The following SMAD4 variants were observed in gnomAD, a reference collection of about 807,000 sequenced individuals.
The protein encoded by SMAD4 is MAD homolog 4.
In SMAD4, 7 loss-of-function variants were observed where a neutral mutation model predicts 63.2. That is an observed-to-expected ratio of 0.11 (90% CI 0.06 to 0.21). The LOEUF (loss-of-function observed/expected upper bound fraction) is 0.21. Among genes scored for constraint, SMAD4 ranks in the 10% least tolerant of loss-of-function variants. SMAD4 has a pLI of 1.00. For synonymous variants in SMAD4, 215 were observed against 235.4 expected (o/e 0.91, Z 0.79); for missense variants, 312 against 693.8 (o/e 0.45, Z 6.18).
rs1910556467 is a variant in SMAD4 at position 51,079,528 on chromosome 18, TATA to T, written c.*1064_*1066del. 4.3e-6 allele frequency: 1 copy of T among 233,354 alleles called. No individual in the cohort carries two copies. Among genetic ancestry groups the T allele is most frequent in the South Asian group, 1.8e-4 (1 of 5,534 alleles). 14.5% of individuals were successfully genotyped at this position (233,354 alleles called of 1,614,324 possible). ...CTTGATTTGATGTGACTTTTTTTGG[TATA>T]ATGTTTAAATCATGTATGTTATGAT... On this transcript the variant is annotated 3_prime_UTR_variant, in exon 12 of 12. Transcript: ENST00000342988.
chr18:51,034,819 TAA>T (rs2144376409), intron 1 of SMAD4, among the ~76,000 whole-genome samples: 1 of 152,320 alleles, frequency 6.6e-6, no homozygotes, highest in South Asian at 2.1e-4. Flanking sequence ...GTGCTGGGAT[TAA>T]AGGCATGAGC....
At chr18:51,069,431 A>G (rs1406106884) in intron 10 of SMAD4, among the ~76,000 whole-genome samples, 1 of 152,034 alleles carries the variant, frequency 6.6e-6, no homozygotes, top group African/African-American at 2.4e-5. Context: ...GTTATTTTTT[A>G]ATGGCTTTGG....
At chr18:51,046,682 A>T (rs1249865717) in intron 1 of SMAD4, among the ~76,000 whole-genome samples, 1 of 152,064 alleles carries the variant, frequency 6.6e-6, no homozygotes, top group Non-Finnish European at 1.5e-5. Flanking sequence ...CCTAACTTTA[A>T]TATTTTTGGA....
Position 51,063,602 on chromosome 18 carries a change from G to T in SMAD4, c.956-1821G>T, listed in dbSNP as rs1347398187. Among the ~76,000 whole-genome samples, 4 of 151,994 alleles carry T rather than the reference G, an allele frequency of 2.6e-5. No homozygotes were observed. The East Asian group carries it at 7.8e-4, about 30-fold the overall frequency. ...CAATTTTTCTATTTTTCGTAGAGAC[G>T]CGGTTTCACCATGTTGCCCAGGCTG... is the stretch of plus-strand genomic sequence containing the variant. On this transcript the variant is annotated intron_variant, in intron 8 of 11. Transcript: ENST00000342988.
rs1753752498 is a variant in SMAD4, at chr18:51,084,957, A to T, written c.*6490A>T. On this transcript the variant is annotated 3_prime_UTR_variant, in exon 12 of 12. Coordinates refer to ENST00000342988, the MANE Select transcript of SMAD4 (RefSeq NM_005359.6). ...GCTTTCTGTATACTTTTGCCTGGTT[A>T]AAGTCTGTGGCTAAAAAATAGTCGA... is the stretch of plus-strand genomic sequence containing the variant. 1 of 215,418 alleles carries T rather than the reference A, an allele frequency of 4.6e-6. No individual in the cohort carries two copies. Among genetic ancestry groups the T allele is most frequent in the African/African-American group, 2.3e-5 (1 of 44,288 alleles). The allele number at this position is 215,418 out of a possible 1,614,324, so 13.3% of individuals were successfully genotyped here. A position where few individuals can be genotyped will look rare whatever the true frequency, so the allele number is the denominator to read the frequency against.
At chr18:51,075,839 C>T (rs1464823907) in intron 10 of SMAD4, among the ~76,000 whole-genome samples, 1 of 152,152 alleles carries the variant, frequency 6.6e-6, no homozygotes, top group Non-Finnish European at 1.5e-5. Context: ...TAACTGTATA[C>T]TATGCCAAGT....
In SMAD4 at chr18:51,076,702, C is replaced by T. The variant is rs2144474077; in HGVS notation, c.1373C>T (p.Ala458Val). 6.2e-7 allele frequency: 1 copy of T among 1,611,380 alleles called. No homozygotes were observed. Among genetic ancestry groups the T allele is most frequent in the Admixed American group, 1.7e-5 (1 of 59,998 alleles). ...CAGGCGGCTACTGCACAAGCTGCAG[C>T]AGCTGCCCAGGCAGCAGCCGTGGCA... ...QQQAATAQAA[A>V]AAQAAAVAGN... The change falls in exon 11 of 12, where the codon GCA becomes GTA. Residue 458 changes from alanine (A) to valine (V), a missense_variant. This residue lies in a region of SMAD4 where 92 missense variants were observed against 305.9 expected (regional missense o/e 0.30). Coordinates refer to ENST00000342988, the MANE Select transcript of SMAD4 (RefSeq NM_005359.6).
chr18:51,083,813 C>T lies in SMAD4; in HGVS notation c.*5346C>T, dbSNP rs1198510406. On this transcript the variant is annotated 3_prime_UTR_variant, in exon 12 of 12. Transcript: ENST00000342988. ...CCTTGCAGCAGTTTTGGATTTCTTC[C>T]TTATCTTTGTTCTGCTGTTTGAGGG... 1.7e-5 allele frequency: 4 copies of T among 230,990 alleles called. No individual in the cohort carries two copies. The highest frequency in any genetic ancestry group is 2.2e-5 in the African/African-American group (1 of 45,218). 14.3% of individuals were successfully genotyped at this position (230,990 alleles called of 1,614,324 possible).
chr18:51,041,998 T>C (rs1001300778), intron 1 of SMAD4, among the ~76,000 whole-genome samples: 4 of 152,306 alleles, frequency 2.6e-5, no homozygotes, highest in Non-Finnish European at 5.9e-5. Flanking sequence ...TTATTACTTA[T>C]GTAATAATAT....
At chr18:51,044,399 A>G (rs751702144) in intron 1 of SMAD4, among the ~76,000 whole-genome samples, 3 of 151,766 alleles carry the variant, frequency 2.0e-5, no homozygotes, top group Non-Finnish European at 4.4e-5. Context: ...TAAAACTATT[A>G]TTATTTTTTT....
At chr18:51,046,695 G>A (rs1909553308) in intron 1 of SMAD4, among the ~76,000 whole-genome samples, 1 of 151,952 alleles carries the variant, frequency 6.6e-6, no homozygotes, top group South Asian at 2.1e-4. Flanking sequence ...TTTTTGGAAT[G>A]TCAAAAACAG....
intron 1 of SMAD4, among the ~76,000 whole-genome samples, chr18:51,044,277 T>C (rs1909474623): frequency 6.6e-6 from 1 of 152,098 alleles, no homozygotes; most frequent in Admixed American, 6.5e-5. Context: ...CCTGAGGAGC[T>C]GGGACTACAA....
In SMAD4 at chr18:51,043,370, C is replaced by T. The variant is rs144510801; in HGVS notation, c.-127-3550C>T. 4.6e-4 allele frequency among the ~76,000 whole-genome samples: 70 copies of T among 152,264 alleles called. 1 individual carries two copies. The East Asian group carries it at 0.013, about 28-fold the overall frequency. On this transcript the variant is annotated intron_variant, in intron 1 of 11. Transcript: ENST00000342988. The stretch of plus-strand genomic sequence containing the variant: ...TACCACAATAAATTTGTGAAGTTGT[C>T]AGGGCAGGTGTTTCCATTTTATAGA...
At chr18:51,074,291 G>A (rs1429532849) in intron 10 of SMAD4, among the ~76,000 whole-genome samples, 1 of 151,760 alleles carries the variant, frequency 6.6e-6, no homozygotes, top group Non-Finnish European at 1.5e-5. Flanking sequence ...TGATGTGGGA[G>A]GACCCTTGAG....
intron 1 of SMAD4, among the ~76,000 whole-genome samples, chr18:51,041,454 C>T (rs1909379814): frequency 6.6e-6 from 1 of 152,192 alleles, no homozygotes; most frequent in Non-Finnish European, 1.5e-5. Context: ...ACATTTTAGG[C>T]TGGATAATTT....
Position 51,060,737 on chromosome 18 carries a change from G to A in SMAD4, c.955+821G>A, listed in dbSNP as rs570715707. 2.6e-5 allele frequency among the ~76,000 whole-genome samples: 4 copies of A among 152,182 alleles called. No homozygotes were observed. In the South Asian group the frequency reaches 6.2e-4, roughly 24 times the overall value. ...CAGCCTTGACCTCCTAGTCTCAAGCGATCCTCTCACCTCAGCTTCTAGAGT... is the reference window on the plus strand; with the variant it reads ...CAGCCTTGACCTCCTAGTCTCAAGCAATCCTCTCACCTCAGCTTCTAGAGT... On this transcript the variant is annotated intron_variant, in intron 8 of 11. Transcript: ENST00000342988.
rs1185794447 is a variant in SMAD4 at position 51,083,991 on chromosome 18, C to CGCGCGT, written c.*5529_*5534dup. On this transcript the variant is annotated 3_prime_UTR_variant, in exon 12 of 12. Coordinates refer to ENST00000342988, the MANE Select transcript of SMAD4 (RefSeq NM_005359.6). ...CTTAGGGGCTGCAATAAACACTTAA[C>CGCGCGT]GCGCGTGCGCACGCGCGCGCGCACA... 4.4e-4 allele frequency: 73 copies of CGCGCGT among 166,662 alleles called. No individual in the cohort carries two copies. Among genetic ancestry groups the CGCGCGT allele is most frequent in the African/African-American group, 2.4e-3 (69 of 28,760 alleles). The allele number at this position is 166,662 out of a possible 1,614,324, so 10.3% of individuals were successfully genotyped here. A position where few individuals can be genotyped will look rare whatever the true frequency, so the allele number is the denominator to read the frequency against.
chr18:51,039,243 T>C (rs2144384951), intron 1 of SMAD4, among the ~76,000 whole-genome samples: 1 of 152,348 alleles, frequency 6.6e-6, no homozygotes, highest in South Asian at 2.1e-4. Context: ...ATATTGCTGT[T>C]ATTTCTAAGG....
intron 4 of SMAD4, chr18:51,052,495 T>G (rs1909737858): frequency 1.1e-5 from 2 of 182,490 alleles, no homozygotes; most frequent in Admixed American, 5.7e-5. Context: ...GGAACAGAAG[T>G]GCTCAAGAAA....
Sources: allele counts gnomAD v4.1 joint callset (sites outside exome capture counted in the v4.1 genomes callset), GRCh38; gene constraint gnomAD v4.1.1; regional missense constraint gnomAD v4.1.1; transcripts MANE v1.5; gene names NCBI Gene and HGNC (gene_info 2026-07-23, HGNC 2026-07-21).